Variants in TNC observed in about 807,000 individuals in gnomAD.
The protein encoded by TNC is tenascin.
In TNC, 109 loss-of-function variants were observed where a neutral mutation model predicts 202.4. The ratio of observed to expected loss-of-function variants is 0.54; its 90% CI spans 0.46 to 0.63. The LOEUF is 0.63. TNC is among the 30% of genes least tolerant of loss of function. The pLI is 0.00. For missense variants in TNC, 2,756 were observed against 2,833.3 expected, an observed-to-expected ratio of 0.97 and a Z score of 0.62; for synonymous variants, 1,007 against 1,089.7, an observed-to-expected ratio of 0.92 and a Z score of 1.50.
intron 3 of TNC, among the ~76,000 whole-genome samples, chr9:115,085,429 G>T (rs147071627): frequency 2.0e-5 from 3 of 152,176 alleles, no homozygotes; most frequent in Non-Finnish European, 2.9e-5. Flanking sequence ...CAAATACAGA[G>T]ATTTTGTTTA....
intron 27 of TNC, among the ~76,000 whole-genome samples, chr9:115,021,828 C>T (rs764597461): frequency 3.9e-5 from 6 of 152,064 alleles, no homozygotes; most frequent in East Asian, 1.9e-4. Flanking sequence ...TTCTGAGCCT[C>T]GGTTTTACTA....
At chr9:115,110,676 T>G (rs1055943560) in intron 1 of TNC, among the ~76,000 whole-genome samples, 3 of 152,074 alleles carry the variant, frequency 2.0e-5, no homozygotes, top group Non-Finnish European at 4.4e-5. Flanking sequence ...AATGGATGAG[T>G]TTTAGTTTTG....
intron 3 of TNC, among the ~76,000 whole-genome samples, chr9:115,084,880 G>C (rs148363146): frequency 1.3e-5 from 2 of 152,158 alleles, no homozygotes; most frequent in Non-Finnish European, 2.9e-5. Flanking sequence ...TTATATTATA[G>C]AGGTGAGTAA....
chr9:115,082,080 G>A, intron 5 of TNC, 152 bp from the exon 6 acceptor site: 1 of 684,536 alleles, frequency 1.5e-6, no homozygotes, highest in Non-Finnish European at 2.3e-6. Context: ...GTAAGCTACT[G>A]AGGATACAGA....
intron 13 of TNC, among the ~76,000 whole-genome samples, chr9:115,062,662 T>C (rs184429766): frequency 2.5e-4 from 38 of 150,744 alleles, no homozygotes; most frequent in Middle Eastern, 3.4e-3. Context: ...TATATATATA[T>C]ACACACACAC....
rs562312823 is a variant in TNC at position 115,066,741 on chromosome 9, A to G, written c.3215-1822T>C. Among the ~76,000 whole-genome samples the G allele has an allele frequency of 2.0e-5, 3 of 152,320 alleles. No homozygotes were observed. In the East Asian group the frequency reaches 5.8e-4, roughly 29 times the overall value. ...TCGGGAAATAAATCCAAAGAAGAATATTATTTCATGGTGCATGCAAGTCAT... is the reference window on the plus strand; with the variant it reads ...TCGGGAAATAAATCCAAAGAAGAATGTTATTTCATGGTGCATGCAAGTCAT... On this transcript the variant is annotated intron_variant, in intron 10 of 27. Coordinates refer to ENST00000350763, the MANE Select transcript of TNC (RefSeq NM_002160.4).
In TNC at chr9:115,073,649, C is replaced by T. The variant is rs1157549864; in HGVS notation, c.3168G>A (p.Glu1056=). The stretch of plus-strand genomic sequence containing the variant: ...CGGGCTTGCTCTTGTGTCTGCCTTT[C>T]TCGGCTGTCAGGAGGACATTGTACT... ...GQEYNVLLTA[E]KGRHKSKPAR... is the part of the protein sequence containing the mutation. The change falls in exon 10 of 28, where the codon GAG becomes GAA. Residue 1056 remains glutamate, a synonymous_variant. Transcript: ENST00000350763. 1 of 1,614,198 alleles carries T rather than the reference C, an allele frequency of 6.2e-7. No homozygotes were observed. Among genetic ancestry groups the T allele is most frequent in the Non-Finnish European group, 8.5e-7 (1 of 1,180,028 alleles).
intron 1 of TNC, among the ~76,000 whole-genome samples, chr9:115,113,585 A>G (rs1300898637): frequency 6.6e-6 from 1 of 152,202 alleles, no homozygotes; most frequent in Non-Finnish European, 1.5e-5. Flanking sequence ...AAAGCTATCT[A>G]TGTTCAGAAC....
chr9:115,112,918 T>C (rs527354296), intron 1 of TNC, among the ~76,000 whole-genome samples: 7 of 152,196 alleles, frequency 4.6e-5, no homozygotes, highest in Non-Finnish European at 8.8e-5. Context: ...AGGGCACTCA[T>C]GGCTTCCCTT....
At chr9:115,063,733 C>A in intron 12 of TNC, 63 bp downstream of exon 12, 1 of 1,542,586 alleles carries the variant, frequency 6.5e-7, no homozygotes. Context: ...CAAGAAAGTG[C>A]TTTGATTCCT....
Position 115,078,095 on chromosome 9 carries a change from T to A in TNC, c.2522A>T (p.Asp841Val). The stretch of plus-strand genomic sequence containing the variant: ...GATGGTGGTACGGTCTCCTGGCACG[T>A]CTTTGATGCCGTAGGTCAGCTCAAT... ...DGIELTYGIK[D>V]VPGDRTTIDL... is the part of the protein sequence containing the mutation. The change falls in exon 7 of 28, where the codon GAC (aspartate) becomes GTC (valine). Residue 841 changes from aspartate (D) to valine (V), a missense_variant. Coordinates refer to ENST00000350763, the MANE Select transcript of TNC (RefSeq NM_002160.4). The A allele has an allele frequency of 6.2e-7, 1 of 1,614,144 alleles. No homozygotes were observed. Among genetic ancestry groups the A allele is most frequent in the Non-Finnish European group, 8.5e-7 (1 of 1,180,016 alleles).
intron 10 of TNC, among the ~76,000 whole-genome samples, chr9:115,069,557 C>T (rs1016764751): frequency 6.7e-5 from 10 of 148,756 alleles, no homozygotes; most frequent in Admixed American, 2.0e-4. Flanking sequence ...CCAACAGACA[C>T]GGTACCTTTC....
intron 15 of TNC, among the ~76,000 whole-genome samples, chr9:115,053,781 C>T (rs986081429): frequency 6.6e-6 from 1 of 152,114 alleles, no homozygotes; most frequent in Non-Finnish European, 1.5e-5. Flanking sequence ...CCATTTAATA[C>T]CGTAAAGGTG....
intron 1 of TNC, among the ~76,000 whole-genome samples, chr9:115,106,838 A>G (rs989569883): frequency 2.0e-5 from 3 of 152,200 alleles, no homozygotes; most frequent in African/African-American, 7.2e-5. Flanking sequence ...ATGGACTTCT[A>G]TGAACAAACA....
rs186635597 is a variant in TNC at position 115,069,884 on chromosome 9, G to A, written c.3214+3719C>T. Among the ~76,000 whole-genome samples the A allele has an allele frequency of 3.3e-4, 48 of 145,494 alleles. No homozygotes were observed. In the East Asian group the frequency reaches 7.6e-3, roughly 23 times the overall value. On this transcript the variant is annotated intron_variant, in intron 10 of 27. Transcript: ENST00000350763. The stretch of plus-strand genomic sequence containing the variant: ...CCTTCCTTTTCTATCCAGATTAAGC[G>A]GAATTGAAGACTTTCCAAGGGAATG...
chr9:115,042,754 C>T (rs544718238), intron 17 of TNC, among the ~76,000 whole-genome samples: 5 of 152,146 alleles, frequency 3.3e-5, no homozygotes, highest in Non-Finnish European at 7.3e-5. Context: ...ATTTATAAGG[C>T]TTAATCCTCC....
chr9:115,104,537 A>T (rs1028256292), intron 1 of TNC, among the ~76,000 whole-genome samples: 1 of 152,214 alleles, frequency 6.6e-6, no homozygotes, highest in East Asian at 1.9e-4. Context: ...TCTGCTGGGG[A>T]GCCTTGGACA....
chr9:115,056,705 T>A (rs1264394855), intron 15 of TNC, among the ~76,000 whole-genome samples: 1 of 152,180 alleles, frequency 6.6e-6, no homozygotes, highest in Admixed American at 6.5e-5. Flanking sequence ...ACCATCAACA[T>A]GATTATTAAA....
chr9:115,058,926 CCTGGGTCTGGGG>C (rs1286910619), intron 14 of TNC, among the ~76,000 whole-genome samples: 1 of 152,128 alleles, frequency 6.6e-6, no homozygotes, highest in African/African-American at 2.4e-5. Flanking sequence ...AATGCACCCT[CCTGGGTCTGGGG>C]CTGGGAGTTT....
Sources: gnomAD v4.1 joint callset for allele counts (sites outside exome capture counted in the v4.1 genomes callset) on GRCh38, gnomAD v4.1.1 for gene constraint, MANE v1.5 for transcripts, NCBI Gene and HGNC (gene_info 2026-07-23, HGNC 2026-07-21) for gene names.